The following C1orf21 variants were observed in gnomAD, a reference collection of about 807,000 sequenced individuals.
C1orf21 encodes uncharacterized protein C1orf21.
A neutral mutation model predicts 18.7 loss-of-function variants in C1orf21; 3 were observed. That is an observed-to-expected ratio of 0.16 (90% CI 0.07 to 0.42). The LOEUF is 0.42. Ranked by LOEUF, C1orf21 falls within the 10% of genes least tolerant of loss-of-function variation. The pLI, the probability that C1orf21 is intolerant of heterozygous loss-of-function variation, is 0.99. For synonymous variants in C1orf21, 41 were observed against 46.4 expected (o/e 0.88, Z 0.47); for missense variants, 104 against 143.6 (o/e 0.72, Z 1.41).
intron 3 of C1orf21, among the ~76,000 whole-genome samples, chr1:184,519,505 A>G (rs772166515): frequency 6.6e-6 from 1 of 152,156 alleles, no homozygotes; most frequent in African/African-American, 2.4e-5. Context: ...AGCATTTTTT[A>G]TATGCAAGTG....
Position 184,626,142 on chromosome 1 carries a change from T to C in C1orf21, c.*6586T>C, listed in dbSNP as rs947100184. Reference sequence around the variant, plus strand: ...GGAGCCCCTGGTACACTCCAGGCACTGCGCTAATTGCCAGCAAAGCACAAC... The same window carrying C: ...GGAGCCCCTGGTACACTCCAGGCACCGCGCTAATTGCCAGCAAAGCACAAC... On this transcript the variant is annotated 3_prime_UTR_variant, in exon 6 of 6. Coordinates refer to ENST00000235307, the MANE Select transcript of C1orf21 (RefSeq NM_030806.4). 2 of 152,206 alleles carry C rather than the reference T, an allele frequency of 1.3e-5. No homozygotes were observed. The highest frequency in any genetic ancestry group is 4.8e-5 in the African/African-American group (2 of 41,446). 9.4% of individuals were successfully genotyped at this position (152,206 alleles called of 1,614,324 possible).
At chr1:184,605,176 C>A (rs1370623504) in intron 5 of C1orf21, among the ~76,000 whole-genome samples, 3 of 152,214 alleles carry the variant, frequency 2.0e-5, no homozygotes, top group Non-Finnish European at 4.4e-5. Context: ...CTTGCCCTCT[C>A]TTCAGCTATC....
chr1:184,571,296 C>CAAAAAAAA (rs66868646), intron 3 of C1orf21, among the ~76,000 whole-genome samples: 2 of 85,576 alleles, frequency 2.3e-5, no homozygotes, highest in Non-Finnish European at 4.6e-5. Flanking sequence ...GACTCCGTCT[C>CAAAAAAAA]AAAAAAAAAA....
At chr1:184,579,602 C>G (rs1489642753) in intron 3 of C1orf21, among the ~76,000 whole-genome samples, 3 of 150,636 alleles carry the variant, frequency 2.0e-5, no homozygotes, top group Non-Finnish European at 4.4e-5. Context: ...CCTCCACCTC[C>G]TGGGTTCAAG....
intron 2 of C1orf21, among the ~76,000 whole-genome samples, chr1:184,480,808 G>A (rs1288890317): frequency 6.6e-6 from 1 of 152,170 alleles, no homozygotes; most frequent in Non-Finnish European, 1.5e-5. Context: ...TCAGAGGAGG[G>A]AGTGAGCAGT....
chr1:184,507,709 A>G, intron 3 of C1orf21, 27 bp downstream of exon 3: 1 of 1,552,458 alleles, frequency 6.4e-7, no homozygotes, highest in Non-Finnish European at 8.7e-7. Context: ...TCACTTAACA[A>G]TGAATTTTGG....
At chr1:184,584,285 C>T (rs569482441) in intron 3 of C1orf21, among the ~76,000 whole-genome samples, 1 of 152,190 alleles carries the variant, frequency 6.6e-6, no homozygotes, top group East Asian at 1.9e-4. Context: ...TATACACATG[C>T]TCCTAAGGTG....
At chr1:184,453,196 A>AC in intron 1 of C1orf21, among the ~76,000 whole-genome samples, 1 of 152,078 alleles carries the variant, frequency 6.6e-6, no homozygotes, top group African/African-American at 2.4e-5. Context: ...AAAGAACTGA[A>AC]CCCCATTTCC....
intron 1 of C1orf21, among the ~76,000 whole-genome samples, chr1:184,410,663 ATTTTTTT>A (rs71297843): frequency 1.3e-4 from 1 of 7,678 alleles, no homozygotes; most frequent in African/African-American, 1.4e-3. Context: ...ATATATATAT[ATTTTTTT>A]TTTTTTTTTT....
intron 5 of C1orf21, among the ~76,000 whole-genome samples, chr1:184,604,485 C>T (rs1253416549): frequency 7.2e-5 from 11 of 152,198 alleles, no homozygotes; most frequent in Admixed American, 7.2e-4. Context: ...CCATGGTAAA[C>T]ATATTTTAAC....
chr1:184,523,359 A>G (rs1421194137), intron 3 of C1orf21, among the ~76,000 whole-genome samples: 2 of 152,088 alleles, frequency 1.3e-5, no homozygotes, highest in African/African-American at 4.8e-5. Flanking sequence ...GTGGTCTTCC[A>G]CCCCAAACCT....
At chr1:184,504,356 C>G (rs947032441) in intron 2 of C1orf21, among the ~76,000 whole-genome samples, 1 of 152,178 alleles carries the variant, frequency 6.6e-6, no homozygotes, top group Non-Finnish European at 1.5e-5. Context: ...CGCCAGGACC[C>G]TCTGGCTGTA....
At chr1:184,446,549 T>A (rs75095797) in intron 1 of C1orf21, among the ~76,000 whole-genome samples, 6,575 of 152,214 alleles carry the variant, frequency 0.043, 153 homozygotes, top group Non-Finnish European at 0.049. Context: ...GATACTTCAA[T>A]GATACAATCA....
intron 3 of C1orf21, among the ~76,000 whole-genome samples, chr1:184,533,570 A>G (rs1327575579): frequency 6.6e-6 from 1 of 152,204 alleles, no homozygotes; most frequent in Non-Finnish European, 1.5e-5. Context: ...TCAAAAATAA[A>G]TGTTCCGACA....
chr1:184,398,350 T>C (rs1474997533), intron 1 of C1orf21, among the ~76,000 whole-genome samples: 2 of 152,216 alleles, frequency 1.3e-5, no homozygotes, highest in Non-Finnish European at 2.9e-5. Flanking sequence ...GATTAGGTCT[T>C]GTAGCTAATA....
rs111454006 is a variant in C1orf21, at chr1:184,455,354, A to T, written c.-124-22032A>T. Among the ~76,000 whole-genome samples, 1,163 of 152,252 alleles carry T rather than the reference A, an allele frequency of 7.6e-3. 15 individuals are homozygous for T. Among genetic ancestry groups the T allele is most frequent in the African/African-American group, 0.027 (1,105 of 41,550 alleles). ...TCAGTGTGCATACAAATAACTAGGG[A>T]TCACTTGGGATCTTCTTAGAATTGC... is the stretch of plus-strand genomic sequence containing the variant. On this transcript the variant is annotated intron_variant, in intron 1 of 5. Transcript: ENST00000235307.
At chr1:184,581,596 T>C (rs554077307) in intron 3 of C1orf21, among the ~76,000 whole-genome samples, 49 of 152,222 alleles carry the variant, frequency 3.2e-4, no homozygotes, top group Non-Finnish European at 5.9e-4. Context: ...GGAGATATAT[T>C]ATCTTTTTAA....
rs183214385 is a variant in C1orf21, at chr1:184,443,329, A to G, written c.-124-34057A>G. ...TTTGCTGTTTGGAACTGGGCATACA[A>G]TCGCTATTCTGAGGTGGATAGTTAT... On this transcript the variant is annotated intron_variant, in intron 1 of 5. Transcript: ENST00000235307. Among the ~76,000 whole-genome samples, 55 of 152,318 alleles carry G rather than the reference A, an allele frequency of 3.6e-4. 1 individual carries two copies. Among genetic ancestry groups the G allele is most frequent in the African/African-American group, 1.3e-3 (54 of 41,564 alleles).
rs1466367990 is a variant in C1orf21, at chr1:184,454,171, A to G, written c.-124-23215A>G. On this transcript the variant is annotated intron_variant, in intron 1 of 5. Transcript: ENST00000235307. Reference sequence around the variant, plus strand: ...TCCAGTTACTGAAACTGAGAATCAAAGGAAAGGATAGCAATATTTCAAGTT... The same window carrying G: ...TCCAGTTACTGAAACTGAGAATCAAGGGAAAGGATAGCAATATTTCAAGTT... Among the ~76,000 whole-genome samples the G allele has an allele frequency of 9.2e-5, 14 of 152,230 alleles. No individual in the cohort carries two copies. The East Asian group carries it at 2.7e-3, about 29-fold the overall frequency.
Sources: allele counts gnomAD v4.1 joint callset (sites outside exome capture counted in the v4.1 genomes callset), GRCh38; gene constraint gnomAD v4.1.1; transcripts MANE v1.5; gene names NCBI Gene and HGNC (gene_info 2026-07-23, HGNC 2026-07-21).